POFUT3: variants seen among roughly 807,000 people sequenced by gnomAD.
POFUT3 encodes the protein protein O-fucosyltransferase 3.
the POFUT3 span, among the ~76,000 whole-genome samples, chr8:33,329,588 C>T: frequency 6.6e-6 from 1 of 152,186 alleles, no homozygotes; most frequent in Non-Finnish European, 1.5e-5. Flanking sequence ...CCATTCGTGA[C>T]ATAATGTGAC....
At chr8:33,393,236 G>A in the POFUT3 span, among the ~76,000 whole-genome samples, 231 of 152,286 alleles carry the variant, frequency 1.5e-3, 1 homozygote, top group African/African-American at 3.8e-3. Flanking sequence ...TGTGACTAAC[G>A]TATGTGCAAT....
At chr8:33,354,669 C>G in the POFUT3 span, among the ~76,000 whole-genome samples, 1 of 152,154 alleles carries the variant, frequency 6.6e-6, no homozygotes, top group Non-Finnish European at 1.5e-5. Context: ...TACCAGCAAC[C>G]TGAGCATCCC....
At chr8:33,359,157 A>G in the POFUT3 span, among the ~76,000 whole-genome samples, 3 of 152,244 alleles carry the variant, frequency 2.0e-5, no homozygotes, top group African/African-American at 4.8e-5. Context: ...ATTAAAAGCA[A>G]TGATGCAAAT....
the POFUT3 span, among the ~76,000 whole-genome samples, chr8:33,357,166 G>C: frequency 6.6e-6 from 1 of 151,954 alleles, no homozygotes. Context: ...CTCTTTTTTG[G>C]TTCCATACGA....
chr8:33,354,873 G>A, the POFUT3 span, among the ~76,000 whole-genome samples: 3 of 152,130 alleles, frequency 2.0e-5, no homozygotes, highest in African/African-American at 4.8e-5. Context: ...GACATCATAC[G>A]CTATTTTTCT....
the POFUT3 span, among the ~76,000 whole-genome samples, chr8:33,460,530 T>C: frequency 6.6e-6 from 1 of 152,302 alleles, no homozygotes; most frequent in African/African-American, 2.4e-5. Flanking sequence ...GTTCTACACT[T>C]ACTACAAGAT....
chr8:33,391,934 A>G, the POFUT3 span, among the ~76,000 whole-genome samples: 1 of 152,160 alleles, frequency 6.6e-6, no homozygotes, highest in Admixed American at 6.5e-5. Flanking sequence ...ACCTCAGCAA[A>G]GATACCAGAT....
the POFUT3 span, among the ~76,000 whole-genome samples, chr8:33,417,599 A>G: frequency 1.3e-5 from 2 of 152,150 alleles, no homozygotes; most frequent in Non-Finnish European, 2.9e-5. Flanking sequence ...AATCCTTAGG[A>G]TATCTGAAGC....
the POFUT3 span, among the ~76,000 whole-genome samples, chr8:33,362,000 G>T: frequency 5.9e-5 from 9 of 152,312 alleles, no homozygotes; most frequent in African/African-American, 2.2e-4. Flanking sequence ...AGGAAAAAGT[G>T]TTAAGGGCAG....
the POFUT3 span, chr8:33,452,924 C>T: frequency 1.8e-5 from 6 of 342,126 alleles, no homozygotes; most frequent in Admixed American, 8.9e-5. Context: ...AAATTAAACT[C>T]AACATTTAAC....
chr8:33,437,417 C>G, the POFUT3 span, among the ~76,000 whole-genome samples: 283 of 151,848 alleles, frequency 1.9e-3, 1 homozygote, highest in Non-Finnish European at 3.2e-3. Flanking sequence ...AGACTGCCAG[C>G]TTTCAAGACA....
chr8:33,356,883 T>C, the POFUT3 span, among the ~76,000 whole-genome samples: 1 of 152,184 alleles, frequency 6.6e-6, no homozygotes, highest in African/African-American at 2.4e-5. Context: ...TTCAGCTTTC[T>C]CCATATGGCT....
chr8:33,435,826 T>C, the POFUT3 span, among the ~76,000 whole-genome samples: 1 of 151,896 alleles, frequency 6.6e-6, no homozygotes, highest in Non-Finnish European at 1.5e-5. Flanking sequence ...TAATTTTGTT[T>C]TTATATATTT....
At chr8:33,349,446 G>A in the POFUT3 span, among the ~76,000 whole-genome samples, 1 of 151,968 alleles carries the variant, frequency 6.6e-6, no homozygotes, top group Non-Finnish European at 1.5e-5. Flanking sequence ...CCTACCCTTC[G>A]CACTAAGACC....
At chr8:33,398,738 C>A in the POFUT3 span, among the ~76,000 whole-genome samples, 623 of 152,244 alleles carry the variant, frequency 4.1e-3, 2 homozygotes, top group African/African-American at 0.014. Flanking sequence ...ATAAAAAGAT[C>A]TTTTCCTCCT....
At chr8:33,341,625 G>A in the POFUT3 span, among the ~76,000 whole-genome samples, 1 of 151,902 alleles carries the variant, frequency 6.6e-6, no homozygotes, top group Non-Finnish European at 1.5e-5. Context: ...AAAGGTGGGG[G>A]AAAGCCTGAG....
chr8:33,338,021 AC>A, the POFUT3 span, among the ~76,000 whole-genome samples: 1 of 152,124 alleles, frequency 6.6e-6, no homozygotes, highest in South Asian at 2.1e-4. Flanking sequence ...TTACCCTGAT[AC>A]CAAAGCACAC....
the POFUT3 span, chr8:33,389,491 G>A: frequency 1.2e-6 from 2 of 1,614,204 alleles, no homozygotes; most frequent in Non-Finnish European, 1.7e-6. Flanking sequence ...GAACATAGCT[G>A]TCCCTGTCTG....
At chr8:33,442,604 A>G in the POFUT3 span, among the ~76,000 whole-genome samples, 1 of 149,896 alleles carries the variant, frequency 6.7e-6, no homozygotes, top group African/African-American at 2.5e-5. Context: ...CTTCTTAACC[A>G]AAAAAAGGCT....
Sources: gnomAD v4.1 joint callset for allele counts (sites outside exome capture counted in the v4.1 genomes callset) on GRCh38, gnomAD v4.1.1 for gene constraint, MANE v1.5 for transcripts, NCBI Gene and HGNC (gene_info 2026-07-23, HGNC 2026-07-21) for gene names.